The following MUC12 variants were observed in gnomAD, a reference collection of about 807,000 sequenced individuals.
MUC12 encodes the protein mucin 12, cell surface associated.
In MUC12, 172 loss-of-function variants were observed where a neutral mutation model predicts 230.8. The ratio of observed to expected loss-of-function variants is 0.75; its 90% CI spans 0.66 to 0.85. MUC12 has a LOEUF of 0.85. Among genes scored for constraint, MUC12 ranks in the 40% least tolerant of loss-of-function variants. MUC12 has a pLI of 0.00. For missense variants in MUC12, 3,506 were observed against 5,920.6 expected (o/e 0.59, Z 13.38); for synonymous variants, 1,259 against 2,401.9 (o/e 0.52, Z 13.91).
Position 101,005,251 on chromosome 7 carries a change from C to A in MUC12, c.14688C>A (p.Leu4896=). 1.3e-6 allele frequency: 2 copies of A among 1,537,916 alleles called. No individual in the cohort carries two copies. The highest frequency in any genetic ancestry group is 8.7e-7 in the Non-Finnish European group (1 of 1,147,062). The change falls in exon 2 of 12, where the codon CTC becomes CTA. Residue 4896 remains leucine (L), a synonymous_variant. Coordinates refer to ENST00000536621, the MANE Select transcript of MUC12 (RefSeq NM_001164462.2). ...GFTHTVLPAT[L]TTTDIGQEST... The stretch of plus-strand genomic sequence containing the variant: ...CTCACACAGTGTTACCTGCCACCCT[C>A]ACAACCACAGACATTGGTCAGGAAT...
intron 1 of MUC12, 44 bp downstream of exon 1, chr7:100,969,733 T>A (rs1792809963): frequency 6.5e-7 from 1 of 1,537,118 alleles, no homozygotes; most frequent in Admixed American, 2.0e-5. Flanking sequence ...TGCTCCTGGG[T>A]GGTAATAGTA....
At chr7:100,976,954 C>T (rs548644789) in intron 1 of MUC12, among the ~76,000 whole-genome samples, 35 of 145,236 alleles carry the variant, frequency 2.4e-4, no homozygotes, top group Middle Eastern at 3.6e-3. Context: ...AGGAGACTGA[C>T]GCAGGAGAAT....
chr7:100,972,983 A>G (rs1402508478), intron 1 of MUC12: 8 of 703,096 alleles, frequency 1.1e-5, no homozygotes, highest in Non-Finnish European at 2.1e-5. Flanking sequence ...AATGCCCTGA[A>G]AGATGAGGGG....
In MUC12 at chr7:101,004,338, G is replaced by C; in HGVS notation, c.13775G>C (p.Arg4592Pro). The C allele has an allele frequency of 7.6e-7, 1 of 1,307,190 alleles. No homozygotes were observed. The highest frequency in any genetic ancestry group is 2.7e-5 in the East Asian group (1 of 37,318). The allele number at this position is 1,307,190 out of a possible 1,614,324, so 81.0% of individuals were successfully genotyped here. A position where few individuals can be genotyped will look rare whatever the true frequency, so the allele number is the denominator to read the frequency against. The part of the protein sequence containing the change: ...VATATTPSPA[R>P]STTSGLVEES... ...ACTGCAACAACACCCTCGCCTGCCC[G>C]CTCCACAACCTCAGGCCTCGTTGAA... The change falls in exon 2 of 12, where the codon CGC (arginine) becomes CCC (proline). Residue 4592 changes from arginine (R) to proline (P), a missense_variant. Transcript: ENST00000536621.
At chr7:101,011,981 C>T (rs1040970814) in intron 5 of MUC12, among the ~76,000 whole-genome samples, 1 of 152,174 alleles carries the variant, frequency 6.6e-6, no homozygotes, top group African/African-American at 2.4e-5. Context: ...TCCATAGCAG[C>T]TGCACTATTT....
At chr7:100,970,135 A>T in intron 1 of MUC12, among the ~76,000 whole-genome samples, 1 of 152,304 alleles carries the variant, frequency 6.6e-6, no homozygotes. Flanking sequence ...GGTGTGTGAC[A>T]GTATCATCTC....
chr7:100,974,430 G>T (rs973307582), intron 1 of MUC12, among the ~76,000 whole-genome samples: 1 of 12,432 alleles, frequency 8.0e-5, no homozygotes, highest in Non-Finnish European at 1.7e-4. Flanking sequence ...CTTATCAATT[G>T]ACTGAAGATA....
intron 1 of MUC12, among the ~76,000 whole-genome samples, chr7:100,984,022 C>T (rs993805082): frequency 6.6e-6 from 1 of 152,120 alleles, no homozygotes; most frequent in African/African-American, 2.4e-5. Flanking sequence ...GCTGTCTCCT[C>T]GTTGTACTGA....
chr7:100,990,612 G>C lies in MUC12; in HGVS notation c.68-19G>C, dbSNP rs1359446444. 1.8e-5 allele frequency: 27 copies of C among 1,537,170 alleles called. No individual in the cohort carries two copies. The highest frequency in any genetic ancestry group is 2.4e-5 in the Non-Finnish European group (27 of 1,146,842). On this transcript the variant is annotated intron_variant, in intron 1 of 11. Coordinates refer to ENST00000536621, the MANE Select transcript of MUC12 (RefSeq NM_001164462.2). ...AGTCATAAATCATAGCACTTTCTCTGGTTTCTCTCAAATCACAGGCTCAAC... is the reference window on the plus strand; with the variant it reads ...AGTCATAAATCATAGCACTTTCTCTCGTTTCTCTCAAATCACAGGCTCAAC...
chr7:101,018,669 T>TG lies in MUC12; in HGVS notation c.*34dup. 6.6e-7 allele frequency: 1 copy of TG among 1,526,228 alleles called. No homozygotes were observed. The allele number at this position is 1,526,228 out of a possible 1,614,324, so 94.5% of individuals were successfully genotyped here. On this transcript the variant is annotated 3_prime_UTR_variant, in exon 12 of 12. Transcript: ENST00000536621. ...GGGGCCTCCCACCCTCATCTAGCTC[T>TG]GTTCAGGAGAGCTGCAAACACAGAG...
chr7:101,018,475 C>T, intron 11 of MUC12, 120 bp from the exon 12 acceptor site: 1 of 748,690 alleles, frequency 1.3e-6, no homozygotes, highest in East Asian at 2.9e-5. Flanking sequence ...CTCCCTCCCC[C>T]TGGGACTCCC....
intron 1 of MUC12, among the ~76,000 whole-genome samples, chr7:100,971,463 G>C (rs1792894721): frequency 6.6e-6 from 1 of 152,304 alleles, no homozygotes; most frequent in African/African-American, 2.4e-5. Flanking sequence ...CACCTTCGAG[G>C]TAACCCACCA....
At position 100,992,407 on chromosome 7, in the gene MUC12, C is replaced by G; in HGVS notation, c.1844C>G (p.Pro615Arg). The G allele has an allele frequency of 6.5e-7, 1 of 1,537,534 alleles. No individual in the cohort carries two copies. The highest frequency in any genetic ancestry group is 8.7e-7 in the Non-Finnish European group (1 of 1,146,680). Residue 615 changes from proline (P) to arginine (R), a missense_variant, in exon 2 of 12, where the codon CCA becomes CGA. Pro to Arg is a moderately radical substitution (Grantham distance 103). Coordinates refer to ENST00000536621, the MANE Select transcript of MUC12 (RefSeq NM_001164462.2). ...CCCGTCCACAGCAGCACCAGATCGC[C>G]ACACACAACACTGTCCCCTGCCGGC... ...SMPVHSSTRS[P>R]HTTLSPAGST...
chr7:101,006,383 A>T, intron 2 of MUC12, 88 bp from the exon 3 acceptor site: 1 of 865,814 alleles, frequency 1.2e-6, no homozygotes, highest in African/African-American at 1.7e-5. Context: ...CTCCAGTGCG[A>T]TGCTGAGTGA....
Position 100,991,152 on chromosome 7 carries a change from C to A in MUC12, c.589C>A (p.His197Asn), listed in dbSNP as rs766686439. Residue 197 changes from histidine (H) to asparagine (N), a missense_variant, in exon 2 of 12, where the codon CAC becomes AAC. Transcript: ENST00000536621. ...PGVSQESTAS[H>N]SIPGSTDTTL... Reference sequence around the variant, plus strand: ...CGTCAGTCAGGAATCTACAGCTTCCCACAGCATCCCCGGCTCCACAGACAC... The same window carrying A: ...CGTCAGTCAGGAATCTACAGCTTCCAACAGCATCCCCGGCTCCACAGACAC... 1.5e-4 allele frequency: 234 copies of A among 1,537,684 alleles called. No homozygotes were observed. The highest frequency in any genetic ancestry group is 1.5e-3 in the South Asian group (123 of 84,050).
At chr7:101,008,216 T>G (rs2116350649) in intron 3 of MUC12, among the ~76,000 whole-genome samples, 1 of 152,184 alleles carries the variant, frequency 6.6e-6, no homozygotes, top group African/African-American at 2.4e-5. Context: ...AGCCTCGAAC[T>G]CCTGGGCTCA....
At chr7:100,971,825 T>G (rs1475595880) in intron 1 of MUC12, among the ~76,000 whole-genome samples, 2 of 152,302 alleles carry the variant, frequency 1.3e-5, no homozygotes, top group Non-Finnish European at 2.9e-5. Flanking sequence ...GTGATGGAGG[T>G]GATGACAGCG....
intron 1 of MUC12, chr7:100,981,622 A>G: frequency 2.3e-6 from 1 of 426,258 alleles, no homozygotes; most frequent in South Asian, 6.9e-5. Context: ...TGCGAGGGCA[A>G]CTGTTGTGGA....
chr7:101,012,583 T>C, intron 6 of MUC12, 136 bp downstream of exon 6: 1 of 1,119,400 alleles, frequency 8.9e-7, no homozygotes, highest in Non-Finnish European at 1.3e-6. Flanking sequence ...AGGCCCAGGG[T>C]GCCTTCCCCA....
Sources: gnomAD v4.1 joint callset for allele counts (sites outside exome capture counted in the v4.1 genomes callset) on GRCh38, gnomAD v4.1.1 for gene constraint, MANE v1.5 for transcripts, NCBI Gene and HGNC (gene_info 2026-07-23, HGNC 2026-07-21) for gene names.